HHIP: variants seen among roughly 807,000 people sequenced by gnomAD.
HHIP encodes the protein hedgehog interacting protein, also known as hedgehog-interacting protein.
In HHIP, 12 loss-of-function variants were observed where a neutral mutation model predicts 74.0. The observed-to-expected ratio is 0.16, with a 90% CI of 0.10 to 0.26. The LOEUF (loss-of-function observed/expected upper bound fraction) is 0.26. Among genes scored for constraint, HHIP ranks in the 10% least tolerant of loss-of-function variants. HHIP has a pLI of 1.00. For missense variants in HHIP, 788 were observed against 845.0 expected, an observed-to-expected ratio of 0.93 and a Z score of 0.84; for synonymous variants, 309 against 311.6, an observed-to-expected ratio of 0.99 and a Z score of 0.09.
intron 11 of HHIP, among the ~76,000 whole-genome samples, chr4:144,733,874 C>T (rs1731034338): frequency 6.6e-6 from 1 of 152,100 alleles, no homozygotes; most frequent in Admixed American, 6.6e-5. Context: ...ACAGTAAGAA[C>T]CATAAAAATC....
rs201493615 is a variant in HHIP, at chr4:144,732,089, A to G, written c.1761-2652A>G. On this transcript the variant is annotated intron_variant, in intron 11 of 12. Transcript: ENST00000296575. ...TCTGCCCTCAGAAAAACTTCAGTGA[A>G]GAAGGGAAAAAAATAGATAAATAGC... Among the ~76,000 whole-genome samples, 9 of 152,262 alleles carry G rather than the reference A, an allele frequency of 5.9e-5. No individual in the cohort carries two copies. In the East Asian group the frequency reaches 1.5e-3, roughly 26 times the overall value.
At chr4:144,710,986 A>AC (rs1413550683) in intron 7 of HHIP, among the ~76,000 whole-genome samples, 1 of 152,118 alleles carries the variant, frequency 6.6e-6, no homozygotes, top group Non-Finnish European at 1.5e-5. Context: ...CAAACCTTGA[A>AC]CCCCTCTTAT....
At chr4:144,692,323 T>C (rs1300617342) in intron 4 of HHIP, among the ~76,000 whole-genome samples, 1 of 152,164 alleles carries the variant, frequency 6.6e-6, no homozygotes, top group Non-Finnish European at 1.5e-5. Context: ...CGTATTTACG[T>C]GTGCCCTCAG....
intron 4 of HHIP, among the ~76,000 whole-genome samples, chr4:144,668,241 C>T (rs1728931867): frequency 6.6e-6 from 1 of 151,790 alleles, no homozygotes; most frequent in Non-Finnish European, 1.5e-5. Flanking sequence ...CACTTGAACC[C>T]CGGAGGCGGA....
At position 144,740,678 on chromosome 4, in the gene HHIP, T is replaced by C. The variant is rs1731242288; in HGVS notation, c.*2721T>C. ...ATTCATGATGAGAGGCAGGTAGGAA[T>C]TGGTTAAGAAGTATGAGCAGGAAAA... On this transcript the variant is annotated 3_prime_UTR_variant, in exon 13 of 13. Transcript: ENST00000296575. The C allele has an allele frequency of 6.6e-6, 1 of 152,116 alleles. No homozygotes were observed. The highest frequency in any genetic ancestry group is 2.4e-5 in the African/African-American group (1 of 41,430). 9.4% of individuals were successfully genotyped at this position (152,116 alleles called of 1,614,324 possible). A position where few individuals can be genotyped will look rare whatever the true frequency, so the allele number is the denominator to read the frequency against.
intron 4 of HHIP, among the ~76,000 whole-genome samples, chr4:144,700,446 G>GTGT (rs1729943167): frequency 1.3e-5 from 2 of 152,148 alleles, no homozygotes; most frequent in Non-Finnish European, 2.9e-5. Flanking sequence ...ACTTGTGAAT[G>GTGT]TGTTACCTTA....
At position 144,745,143 on chromosome 4, in the gene HHIP, G is replaced by A. The variant is rs907134366; in HGVS notation, c.*7186G>A. 1.3e-5 allele frequency: 2 copies of A among 152,098 alleles called. No individual in the cohort carries two copies. Among genetic ancestry groups the A allele is most frequent in the Non-Finnish European group, 2.9e-5 (2 of 68,010 alleles). The allele number at this position is 152,098 out of a possible 1,614,324, so 9.4% of individuals were successfully genotyped here. ...TTAATGATTTCTAGGTGAAAAGGAC[G>A]TTTAAGTGTACAATTTCTTTTCTTA... On this transcript the variant is annotated 3_prime_UTR_variant, in exon 13 of 13. Coordinates refer to ENST00000296575, the MANE Select transcript of HHIP (RefSeq NM_022475.3).
intron 1 of HHIP, among the ~76,000 whole-genome samples, chr4:144,650,233 TC>T (rs1266457197): frequency 2.0e-5 from 3 of 152,140 alleles, no homozygotes; most frequent in African/African-American, 7.2e-5. Flanking sequence ...ATCTTACCCT[TC>T]TTCTATGGAT....
At chr4:144,737,415 G>C (rs1262805921) in intron 12 of HHIP, among the ~76,000 whole-genome samples, 2 of 152,200 alleles carry the variant, frequency 1.3e-5, no homozygotes, top group Non-Finnish European at 2.9e-5. Context: ...TGGGAACATA[G>C]AGCTTGGGAG....
Position 144,707,074 on chromosome 4 carries a change from T to C in HHIP, c.984-13T>C. On this transcript the variant is annotated splice_polypyrimidine_tract_variant and intron_variant, in intron 5 of 12. Coordinates refer to ENST00000296575, the MANE Select transcript of HHIP (RefSeq NM_022475.3). The stretch of plus-strand genomic sequence containing the variant: ...TTTAACAGTCATGGTATTGTTTTCT[T>C]CCCACAATGTAGAAAAAATCCACAC... 6.2e-7 allele frequency: 1 copy of C among 1,612,252 alleles called. No homozygotes were observed. Among genetic ancestry groups the C allele is most frequent in the Non-Finnish European group, 8.5e-7 (1 of 1,178,284 alleles).
At chr4:144,653,592 A>G (rs1728481645) in intron 2 of HHIP, among the ~76,000 whole-genome samples, 1 of 152,190 alleles carries the variant, frequency 6.6e-6, no homozygotes, top group Non-Finnish European at 1.5e-5. Flanking sequence ...AAATAATTTA[A>G]CAAGACATTC....
intron 4 of HHIP, among the ~76,000 whole-genome samples, chr4:144,667,684 G>C (rs959151811): frequency 6.6e-6 from 1 of 152,170 alleles, no homozygotes. Context: ...TGACCCATAA[G>C]AACTACAGCA....
intron 4 of HHIP, among the ~76,000 whole-genome samples, chr4:144,678,950 C>T (rs1275389845): frequency 6.6e-6 from 1 of 152,068 alleles, no homozygotes; most frequent in Admixed American, 6.5e-5. Context: ...TTGGGGAATC[C>T]CCATACTGTC....
intron 4 of HHIP, among the ~76,000 whole-genome samples, chr4:144,700,714 T>A (rs1383401648): frequency 1.3e-5 from 2 of 152,208 alleles, no homozygotes; most frequent in Admixed American, 6.5e-5. Context: ...AAATGGATTA[T>A]CTTCTAGCAC....
chr4:144,670,750 G>T (rs1578687796), intron 4 of HHIP, among the ~76,000 whole-genome samples: 2 of 30,788 alleles, frequency 6.5e-5, no homozygotes, highest in Admixed American at 8.2e-4. Flanking sequence ...TGAGTGAAAA[G>T]ATGCTTAAGA....
At chr4:144,706,833 T>C in intron 5 of HHIP, 151 bp downstream of exon 5, 1 of 755,236 alleles carries the variant, frequency 1.3e-6, no homozygotes, top group Non-Finnish European at 2.1e-6. Flanking sequence ...ACTCCATATG[T>C]GTCTTTAAGA....
Position 144,646,758 on chromosome 4 carries a change from G to T in HHIP, c.83G>T (p.Arg28Ile), listed in dbSNP as rs1728271311. The stretch of plus-strand genomic sequence containing the variant: ...GAAGGAGATGCTAAGTTTGGGGAAA[G>T]AAACGAAGGGAGCGGAGCAAGGAGG... The part of the protein sequence containing the change: ...FFEGDAKFGE[R>I]NEGSGARRRR... Residue 28 changes from arginine (R) to isoleucine (I), a missense_variant, in exon 1 of 13, where the codon AGA becomes ATA. Physicochemically the swap from Arg to Ile is moderately conservative, Grantham distance 97 (BLOSUM62 -3). This residue lies in a region of HHIP where 373 missense variants were observed against 366.4 expected (regional missense o/e 1.02). Coordinates refer to ENST00000296575, the MANE Select transcript of HHIP (RefSeq NM_022475.3). 1 of 1,614,218 alleles carries T rather than the reference G, an allele frequency of 6.2e-7. No homozygotes were observed. The highest frequency in any genetic ancestry group is 8.5e-7 in the Non-Finnish European group (1 of 1,180,044).
At chr4:144,686,655 T>C (rs1301053389) in intron 4 of HHIP, among the ~76,000 whole-genome samples, 1 of 152,190 alleles carries the variant, frequency 6.6e-6, no homozygotes, top group African/African-American at 2.4e-5. Context: ...ACATAAAATT[T>C]CTAAAAACAA....
Position 144,734,791 on chromosome 4 carries a change from T to C in HHIP, c.1811T>C (p.Leu604Pro), listed in dbSNP as rs772147648. 6.2e-7 allele frequency: 1 copy of C among 1,611,882 alleles called. No individual in the cohort carries two copies. ...GCCACGGTACAACCTGCACAGACAC[T>C]GACTTCAGAGTGCTCCAGGCTCTGT... ...CRATVQPAQT[L>P]TSECSRLCRN... Residue 604 changes from leucine to proline, a missense_variant, in exon 12 of 13, where the codon CTG becomes CCG. Physicochemically the swap from Leu to Pro is moderately conservative, Grantham distance 98. Around this residue, in one of 3 missense-constraint regions of HHIP, gnomAD observed 343 missense variants for 347.9 expected, o/e 0.99. Coordinates refer to ENST00000296575, the MANE Select transcript of HHIP (RefSeq NM_022475.3).
Sources: gnomAD v4.1 joint callset for allele counts (sites outside exome capture counted in the v4.1 genomes callset) on GRCh38, gnomAD v4.1.1 for gene constraint, gnomAD v4.1.1 regional missense constraint, MANE v1.5 for transcripts, NCBI Gene and HGNC (gene_info 2026-07-23, HGNC 2026-07-21) for gene names.